SYT2: variants seen among roughly 807,000 people sequenced by gnomAD.
SYT2 encodes the protein synaptotagmin-2.
SYT2 carries 15 observed loss-of-function variants against 39.9 expected under a neutral mutation model. The observed-to-expected ratio is 0.38, with a 90% CI of 0.25 to 0.58. The LOEUF (loss-of-function observed/expected upper bound fraction) is 0.58, where lower values mean the gene tolerates loss of function less well. SYT2 is among the 20% of genes least tolerant of loss of function. The probability of loss-of-function intolerance (pLI) is 0.70; values close to 1 mark genes in which losing one functional copy is unlikely to be tolerated. For synonymous variants in SYT2, 181 were observed against 204.5 expected, an observed-to-expected ratio of 0.89 and a Z score of 0.98; for missense variants, 389 against 530.3, an observed-to-expected ratio of 0.73 and a Z score of 2.62.
chr1:202,705,855 G>A (rs961702924), intron 1 of SYT2, among the ~76,000 whole-genome samples: 4 of 151,936 alleles, frequency 2.6e-5, no homozygotes, highest in Admixed American at 6.6e-5. Flanking sequence ...ACCATGCCCA[G>A]CTAATTTTTA....
At chr1:202,705,281 C>T (rs758411909) in intron 1 of SYT2, among the ~76,000 whole-genome samples, 40 of 152,364 alleles carry the variant, frequency 2.6e-4, no homozygotes, top group Non-Finnish European at 3.1e-4. Context: ...ACAGCGATGG[C>T]GTAGCCGAGG....
rs558369890 is a variant in SYT2, at chr1:202,628,550, G to C, written c.-17-22761C>G. The stretch of plus-strand genomic sequence containing the variant: ...CACCTATGACAGCTCATGGTCTCCA[G>C]AAACTAAAGTGGAGCATGCAAGTCC... On this transcript the variant is annotated intron_variant, in intron 1 of 8. Transcript: ENST00000367268. The surrounding 1 kb of genome is among the most constrained non-coding windows in gnomAD (Gnocchi z 4.2). Among the ~76,000 whole-genome samples the C allele has an allele frequency of 6.6e-6, 1 of 152,304 alleles. No homozygotes were observed. The highest frequency in any genetic ancestry group is 2.1e-4 in the South Asian group (1 of 4,830).
chr1:202,688,974 G>T (rs1653748284), intron 1 of SYT2, among the ~76,000 whole-genome samples: 1 of 152,192 alleles, frequency 6.6e-6, no homozygotes, highest in Non-Finnish European at 1.5e-5. Context: ...GCAGCTCCAG[G>T]AAGGTTAACG....
At chr1:202,686,396 C>T (rs1176841396) in intron 1 of SYT2, among the ~76,000 whole-genome samples, 2 of 152,236 alleles carry the variant, frequency 1.3e-5, no homozygotes, top group African/African-American at 2.4e-5. Flanking sequence ...AGTCTGCCTT[C>T]ATGTCATCTC....
At position 202,681,500 on chromosome 1, in the gene SYT2, G is replaced by A. The variant is rs115437407; in HGVS notation, c.-18+28758C>T. ...GAAATGTTAAGTAAAATATCTAAGAGGCTCCCCGCTGAAAGCCCTTCATCC... is the reference window on the plus strand; with the variant it reads ...GAAATGTTAAGTAAAATATCTAAGAAGCTCCCCGCTGAAAGCCCTTCATCC... On this transcript the variant is annotated intron_variant, in intron 1 of 8. Transcript: ENST00000367268. 1.5e-3 allele frequency among the ~76,000 whole-genome samples: 228 copies of A among 152,312 alleles called. 1 individual carries two copies. Among genetic ancestry groups the A allele is most frequent in the African/African-American group, 5.4e-3 (223 of 41,574 alleles).
At chr1:202,636,335 C>T in intron 1 of SYT2, 2 of 985,196 alleles carry the variant, frequency 2.0e-6, no homozygotes, top group East Asian at 2.3e-4. Context: ...GGTAGAAAGC[C>T]CAACATGCCA....
intron 1 of SYT2, among the ~76,000 whole-genome samples, chr1:202,700,045 G>A (rs886956071): frequency 6.6e-6 from 1 of 152,124 alleles, no homozygotes; most frequent in African/African-American, 2.4e-5. Flanking sequence ...GCAGATAAAC[G>A]CAGGGTTGCT....
intron 1 of SYT2, among the ~76,000 whole-genome samples, chr1:202,607,308 G>C (rs1285026300): frequency 4.6e-5 from 7 of 152,174 alleles, no homozygotes; most frequent in Admixed American, 2.0e-4. Flanking sequence ...ACACCCACAG[G>C]TATTCCAGGA....
chr1:202,619,857 G>A (rs67157324), intron 1 of SYT2, among the ~76,000 whole-genome samples: 4,950 of 152,260 alleles, frequency 0.033, 127 homozygotes, highest in Middle Eastern at 0.092. Context: ...TTTGATGAGC[G>A]CACAGATGTT....
chr1:202,642,720 C>G (rs557278781), intron 1 of SYT2, among the ~76,000 whole-genome samples: 14 of 152,252 alleles, frequency 9.2e-5, no homozygotes, highest in African/African-American at 3.4e-4. Context: ...CGGCACACCC[C>G]CCTCTGCGCC....
Position 202,656,126 on chromosome 1 carries a change from GCACACA to G in SYT2, c.-17-50343_-17-50338del, listed in dbSNP as rs10579829. On this transcript the variant is annotated intron_variant, in intron 1 of 8. Transcript: ENST00000367268. ...ACTGGGGGAAAGCGGGCTTTGGAAC[GCACACA>G]CACACACACACACGTGCACATATGC... Among the ~76,000 whole-genome samples the G allele has an allele frequency of 1.1e-4, 17 of 150,182 alleles. No individual in the cohort carries two copies. The South Asian group carries it at 3.0e-3, about 26-fold the overall frequency.
chr1:202,593,813 C>T lies in SYT2; in HGVS notation c.*2944G>A, dbSNP rs1424343350. The stretch of plus-strand genomic sequence containing the variant: ...ATGGTCTCAGCTTCTCTAAAAATCA[C>T]CTCTATACTACTTTCCTTTCTCTGG... On this transcript the variant is annotated 3_prime_UTR_variant, in exon 9 of 9. Transcript: ENST00000367268. 1 of 152,110 alleles carries T rather than the reference C, an allele frequency of 6.6e-6. No homozygotes were observed. Among genetic ancestry groups the T allele is most frequent in the African/African-American group, 2.4e-5 (1 of 41,386 alleles). The allele number at this position is 152,110 out of a possible 1,614,324, so 9.4% of individuals were successfully genotyped here. A position where few individuals can be genotyped will look rare whatever the true frequency, so the allele number is the denominator to read the frequency against.
Position 202,605,792 on chromosome 1 carries a change from G to A in SYT2, c.-17-3C>T, listed in dbSNP as rs753131644. ...CCTCATGGTGGCAGAGGAAACAGCT[G>A]GGGACGAGAGGTGAAGAGGGCAGGG... On this transcript the variant is annotated splice_region_variant and splice_polypyrimidine_tract_variant and intron_variant, in intron 1 of 8. Coordinates refer to ENST00000367268, the MANE Select transcript of SYT2 (RefSeq NM_177402.5). 5.6e-6 allele frequency: 9 copies of A among 1,611,996 alleles called. No homozygotes were observed. Among genetic ancestry groups the A allele is most frequent in the Non-Finnish European group, 7.6e-6 (9 of 1,178,514 alleles).
At chr1:202,678,958 C>T (rs796579305) in intron 1 of SYT2, among the ~76,000 whole-genome samples, 10 of 152,238 alleles carry the variant, frequency 6.6e-5, no homozygotes, top group African/African-American at 2.4e-4. Context: ...ACCAATGAAA[C>T]AGCTTTCAGA....
In SYT2 at chr1:202,596,575, C is replaced by A; in HGVS notation, c.*182G>T. 1.6e-6 allele frequency: 1 copy of A among 615,122 alleles called. No homozygotes were observed. Among genetic ancestry groups the A allele is most frequent in the Non-Finnish European group, 2.8e-6 (1 of 357,536 alleles). The allele number at this position is 615,122 out of a possible 1,614,324, so 38.1% of individuals were successfully genotyped here. On this transcript the variant is annotated 3_prime_UTR_variant, in exon 9 of 9. Coordinates refer to ENST00000367268, the MANE Select transcript of SYT2 (RefSeq NM_177402.5). ...CTTCTCTTTCACCTCTTAGGGGACT[C>A]TCCTCACACAGCCATCAAAGGGAAG...
Position 202,703,429 on chromosome 1 carries a change from G to C in SYT2, c.-18+6829C>G, listed in dbSNP as rs375600935. On this transcript the variant is annotated intron_variant, in intron 1 of 8. Coordinates refer to ENST00000367268, the MANE Select transcript of SYT2 (RefSeq NM_177402.5). ...GGGAAGGAACAAGTGGGGAGGGAGA[G>C]ATGAAGGTACAAGGTACCCTCTCCT... Among the ~76,000 whole-genome samples the C allele has an allele frequency of 2.7e-3, 418 of 152,286 alleles. 4 individuals carry two copies. Among genetic ancestry groups the C allele is most frequent in the African/African-American group, 9.7e-3 (402 of 41,534 alleles).
rs2149066564 is a variant in SYT2 at position 202,599,830 on chromosome 1, G to A, written c.920-479C>T. On this transcript the variant is annotated intron_variant, in intron 7 of 8. Coordinates refer to ENST00000367268, the MANE Select transcript of SYT2 (RefSeq NM_177402.5). This position sits in a 1 kb window ranked among gnomAD's most constrained non-coding sequence, Gnocchi z 4.4. ...CTGAAACGCGCTGGTTGGAGCCCAT[G>A]CCCAGGGCTGATTCTCTGGGAAGGC... Among the ~76,000 whole-genome samples the A allele has an allele frequency of 6.6e-6, 1 of 152,352 alleles. No individual in the cohort carries two copies. The highest frequency in any genetic ancestry group is 1.9e-4 in the East Asian group (1 of 5,184).
chr1:202,703,493 T>G (rs1654173436), intron 1 of SYT2, among the ~76,000 whole-genome samples: 1 of 152,104 alleles, frequency 6.6e-6, no homozygotes. Context: ...GTTACAACTC[T>G]TTTCTGTTTC....
intron 1 of SYT2, among the ~76,000 whole-genome samples, chr1:202,661,180 G>C (rs1692372013): frequency 6.6e-6 from 1 of 152,018 alleles, no homozygotes; most frequent in South Asian, 2.1e-4. Flanking sequence ...GGATGCTAAG[G>C]TTAAGTGCAC....
Sources: gnomAD v4.1 joint callset for allele counts (sites outside exome capture counted in the v4.1 genomes callset) on GRCh38, gnomAD v4.1.1 for gene constraint, Gnocchi (gnomAD v3.1) non-coding constraint, MANE v1.5 for transcripts, NCBI Gene and HGNC (gene_info 2026-07-23, HGNC 2026-07-21) for gene names.